Variants in PCNX3 observed in about 807,000 individuals in gnomAD.
PCNX3 encodes pecanex-like protein 3.
Under a neutral mutation model 207.2 loss-of-function variants are expected in PCNX3, and 58 were observed. The observed-to-expected ratio is 0.28, with a 90% CI of 0.23 to 0.35. The LOEUF (loss-of-function observed/expected upper bound fraction) is 0.35. Among genes scored for constraint, PCNX3 ranks in the 10% least tolerant of loss-of-function variants. The pLI is 1.00. For missense variants in PCNX3, 2,410 were observed against 2,774.4 expected, an observed-to-expected ratio of 0.87 and a Z score of 2.95; for synonymous variants, 1,337 against 1,183.5, an observed-to-expected ratio of 1.13 and a Z score of -2.66.
Position 65,629,592 on chromosome 11 carries a change from G to A in PCNX3, c.4073G>A (p.Gly1358Glu). Residue 1358 changes from glycine to glutamate, a missense_variant, in exon 26 of 35, where the codon GGG becomes GAG. By Grantham distance (98) the Gly-to-Glu change is moderately conservative. Around this residue, in one of 8 missense-constraint regions of PCNX3, gnomAD observed 420 missense variants for 705.3 expected, o/e 0.60. Transcript: ENST00000355703. ...LTRSLQHTLC[G>E]DLVLGRWGNY... The stretch of plus-strand genomic sequence containing the variant: ...CGTTCGCTGCAGCACACACTGTGTG[G>A]GGACCTGGTGCTGGGCCGCTGGGGC... 6.2e-7 allele frequency: 1 copy of A among 1,613,058 alleles called. No homozygotes were observed. Among genetic ancestry groups the A allele is most frequent in the African/African-American group, 1.3e-5 (1 of 75,048 alleles).
In PCNX3 at chr11:65,630,583, C is replaced by A. The variant is rs1485896013; in HGVS notation, c.4449C>A (p.Ile1483=). The A allele has an allele frequency of 3.7e-6, 6 of 1,611,490 alleles. No homozygotes were observed. The East Asian group carries it at 1.3e-4, about 36-fold the overall frequency. ...SMLQVFDLRK[I]LITYYVKSII... Reference sequence around the variant, plus strand: ...TGCAGGTTTTCGACCTCCGCAAGATCCTCATCACCTACTATGTCAAGGTAC... The same window carrying A: ...TGCAGGTTTTCGACCTCCGCAAGATACTCATCACCTACTATGTCAAGGTAC... The change falls in exon 27 of 35, where the codon ATC becomes ATA. Residue 1483 remains isoleucine, a synonymous_variant. Coordinates refer to ENST00000355703, the MANE Select transcript of PCNX3 (RefSeq NM_032223.4).
chr11:65,620,764 C>T (rs577306788), intron 9 of PCNX3, 67 bp from the exon 10 acceptor site: 52 of 1,553,218 alleles, frequency 3.3e-5, no homozygotes, highest in South Asian at 1.9e-4. Context: ...GCCTTGGCCT[C>T]GGCCTCGACC....
chr11:65,626,584 G>GCCCA, intron 20 of PCNX3: 1 of 454,954 alleles, frequency 2.2e-6, no homozygotes, highest in East Asian at 4.5e-5. Context: ...CTTTAGAAGG[G>GCCCA]CCCAGCTCAC....
At position 65,630,424 on chromosome 11, in the gene PCNX3, T is replaced by C. The variant is rs1386659294; in HGVS notation, c.4290T>C (p.Cys1430=). 1 of 1,613,578 alleles carries C rather than the reference T, an allele frequency of 6.2e-7. No homozygotes were observed. The highest frequency in any genetic ancestry group is 1.3e-5 in the African/African-American group (1 of 75,062). Residue 1430 remains cysteine, a synonymous_variant, in exon 27 of 35, where the codon TGT becomes TGC. Coordinates refer to ENST00000355703, the MANE Select transcript of PCNX3 (RefSeq NM_032223.4). Reference sequence around the variant, plus strand: ...AGGAGGACGAGGGCTGTTGCTGCTGTGAACCTGGCCACCTGCCACGGGTCC... The same window carrying C: ...AGGAGGACGAGGGCTGTTGCTGCTGCGAACCTGGCCACCTGCCACGGGTCC... ...GVEEDEGCCC[C]EPGHLPRVLS...
At position 65,618,416 on chromosome 11, in the gene PCNX3, G is replaced by C; in HGVS notation, c.1054G>C (p.Gly352Arg). ...EAELPASPDAGVPSDDTLRSF... is the reference protein window; with the variant it reads ...EAELPASPDARVPSDDTLRSF... Reference sequence around the variant, plus strand: ...TGAGCTGCCTGCCTCACCAGACGCCGGGGTCCCCTCAGATGACACGCTGCG... The same window carrying C: ...TGAGCTGCCTGCCTCACCAGACGCCCGGGTCCCCTCAGATGACACGCTGCG... Residue 352 changes from glycine (G) to arginine (R), a missense_variant, in exon 6 of 35, where the codon GGG (glycine) becomes CGG (arginine). Gly to Arg is a moderately radical substitution (Grantham distance 125). This residue lies in a region of PCNX3 where 1,104 missense variants were observed against 970.3 expected (regional missense o/e 1.14). Transcript: ENST00000355703. 1 of 1,612,430 alleles carries C rather than the reference G, an allele frequency of 6.2e-7. No individual in the cohort carries two copies. The highest frequency in any genetic ancestry group is 8.5e-7 in the Non-Finnish European group (1 of 1,179,700).
In PCNX3 at chr11:65,618,977, G is replaced by A. The variant is rs1194045247; in HGVS notation, c.1615G>A (p.Val539Ile). Residue 539 changes from valine (V) to isoleucine (I), a missense_variant, in exon 6 of 35, where the codon GTT becomes ATT. Physicochemically the swap from Val to Ile is conservative, Grantham distance 29 (BLOSUM62 3). Coordinates refer to ENST00000355703, the MANE Select transcript of PCNX3 (RefSeq NM_032223.4). The stretch of plus-strand genomic sequence containing the variant: ...GGTGGAGCAGGCTGCTAGTGAGCCT[G>A]TTGTGCTGCCTGCTGAGGCGCGAAG... ...VGVEQAASEP[V>I]VLPAEARRGP... is the part of the protein sequence containing the mutation. The A allele has an allele frequency of 3.7e-6, 6 of 1,603,072 alleles. No individual in the cohort carries two copies. The highest frequency in any genetic ancestry group is 5.1e-6 in the Non-Finnish European group (6 of 1,178,072).
chr11:65,629,155 G>A (rs938031824), intron 24 of PCNX3, among the ~76,000 whole-genome samples: 4 of 152,218 alleles, frequency 2.6e-5, no homozygotes, highest in Admixed American at 2.6e-4. Flanking sequence ...AGTGGGGTCT[G>A]GGGATGAGCT....
intron 6 of PCNX3, 90 bp downstream of exon 6, chr11:65,619,157 T>G (rs1854930476): frequency 1.9e-6 from 2 of 1,079,384 alleles, no homozygotes; most frequent in Admixed American, 2.2e-5. Context: ...ACCTGGTCAG[T>G]GTCAGCTCAG....
chr11:65,624,403 T>A, intron 14 of PCNX3, 37 bp downstream of exon 14: 1 of 1,551,080 alleles, frequency 6.4e-7, no homozygotes, highest in Non-Finnish European at 8.7e-7. Flanking sequence ...CCCAGGAGAG[T>A]GAGTCCCCGA....
chr11:65,634,955 G>C lies in PCNX3; in HGVS notation c.4806-18G>C, dbSNP rs1456780223. 1.2e-6 allele frequency: 2 copies of C among 1,604,832 alleles called. No homozygotes were observed. The highest frequency in any genetic ancestry group is 1.7e-5 in the Admixed American group (1 of 59,618). On this transcript the variant is annotated intron_variant, in intron 29 of 34. Coordinates refer to ENST00000355703, the MANE Select transcript of PCNX3 (RefSeq NM_032223.4). ...CTCGACACCCCTCTCTCCCCTCCCT[G>C]TTTTTCCTCCCACTTAGCCTGGAGC...
intron 12 of PCNX3, 134 bp from the exon 13 acceptor site, chr11:65,623,795 C>T (rs1855235336): frequency 6.6e-7 from 1 of 1,521,276 alleles, no homozygotes; most frequent in Non-Finnish European, 9.0e-7. Flanking sequence ...AGCAAGAAAA[C>T]TGAGGCTCAG....
chr11:65,636,865 G>A lies in PCNX3; in HGVS notation c.5992G>A (p.Asp1998Asn). Residue 1998 changes from aspartate (D) to asparagine (N), a missense_variant, in exon 35 of 35, where the codon GAC (aspartate) becomes AAC (asparagine). Asp to Asn is a conservative substitution (Grantham distance 23). Coordinates refer to ENST00000355703, the MANE Select transcript of PCNX3 (RefSeq NM_032223.4). ...PRASQDIPCL[D>N]SSAPESGTPM... ...AGCTTCCCAGGACATTCCTTGCTTG[G>A]ACAGCAGTGCCCCTGAGAGTGGCAC... 1 of 1,551,446 alleles carries A rather than the reference G, an allele frequency of 6.4e-7. No individual in the cohort carries two copies. Among genetic ancestry groups the A allele is most frequent in the Non-Finnish European group, 8.7e-7 (1 of 1,147,260 alleles).
chr11:65,630,956 T>A (rs528145323), intron 27 of PCNX3, among the ~76,000 whole-genome samples: 5 of 152,218 alleles, frequency 3.3e-5, no homozygotes, highest in African/African-American at 1.2e-4. Context: ...TTAACGATCA[T>A]CATGGGAGCA....
In PCNX3 at chr11:65,628,193, A is replaced by G. The variant is rs1016513605; in HGVS notation, c.3703-402A>G. 5.3e-5 allele frequency among the ~76,000 whole-genome samples: 8 copies of G among 152,138 alleles called. No individual in the cohort carries two copies. In the East Asian group the frequency reaches 1.6e-3, roughly 30 times the overall value. On this transcript the variant is annotated intron_variant, in intron 22 of 34. Coordinates refer to ENST00000355703, the MANE Select transcript of PCNX3 (RefSeq NM_032223.4). ...GGTCATCCACACTGCGTACCCTCTG[A>G]GGGCAGGGCCTGTGGCTGTTCTCAA... is the stretch of plus-strand genomic sequence containing the variant.
intron 27 of PCNX3, 34 bp from the exon 28 acceptor site, chr11:65,634,092 G>C (rs1040193347): frequency 6.3e-7 from 1 of 1,582,368 alleles, no homozygotes. Context: ...CCAGGGCCGG[G>C]ACCCCGGCCT....
rs372884793 is a variant in PCNX3, at chr11:65,636,217, G to A, written c.5503G>A (p.Val1835Met). The A allele has an allele frequency of 5.5e-5, 87 of 1,580,328 alleles. 1 individual carries two copies. The highest frequency in any genetic ancestry group is 3.5e-5 in the South Asian group (3 of 86,554). Residue 1835 changes from valine (V) to methionine (M), a missense_variant, in exon 33 of 35, where the codon GTG becomes ATG. This residue lies in a region of PCNX3 where 59 missense variants were observed against 83.9 expected (regional missense o/e 0.70). Coordinates refer to ENST00000355703, the MANE Select transcript of PCNX3 (RefSeq NM_032223.4). ...CGCCGGCTGCAATAGTGGCGGGAAC[G>A]TGGATGATTCAGACTGTAGTGGGGG... Reference protein sequence around the residue: ...CGAGCNSGGNVDDSDCSGGGG... With the variant: ...CGAGCNSGGNMDDSDCSGGGG...
intron 26 of PCNX3, among the ~76,000 whole-genome samples, 151 bp downstream of exon 26, chr11:65,629,886 G>A (rs187855699): frequency 1.3e-5 from 2 of 152,286 alleles, no homozygotes; most frequent in East Asian, 3.9e-4. Context: ...CTGGGCCTGC[G>A]TTTCCCAGTC....
chr11:65,616,514 C>T (rs765965112), intron 1 of PCNX3, 50 bp downstream of exon 1: 47 of 1,557,056 alleles, frequency 3.0e-5, no homozygotes, highest in Non-Finnish European at 4.0e-5. Context: ...GGAGGGCAGC[C>T]TGGCAGGGAT....
At chr11:65,629,173 C>T (rs1855520247) in intron 24 of PCNX3, among the ~76,000 whole-genome samples, 184 bp from the exon 25 acceptor site, 1 of 152,174 alleles carries the variant, frequency 6.6e-6, no homozygotes, top group African/African-American at 2.4e-5. Context: ...GCTTAGCCTC[C>T]CAGCTTCTTG....
Sources: gnomAD v4.1 joint callset for allele counts (sites outside exome capture counted in the v4.1 genomes callset) on GRCh38, gnomAD v4.1.1 for gene constraint, gnomAD v4.1.1 regional missense constraint, MANE v1.5 for transcripts, NCBI Gene and HGNC (gene_info 2026-07-23, HGNC 2026-07-21) for gene names.